Variants in PRRT2 observed in about 807,000 individuals in gnomAD.
PRRT2 encodes the protein proline-rich transmembrane protein 2.
A neutral mutation model predicts 24.7 loss-of-function variants in PRRT2; 9 were observed. The ratio of observed to expected loss-of-function variants is 0.36; its 90% confidence interval spans 0.22 to 0.64. The LOEUF (loss-of-function observed/expected upper bound fraction) is 0.64. Ranked by LOEUF, PRRT2 falls within the 30% of genes least tolerant of loss-of-function variation. The pLI, the probability that PRRT2 is intolerant of heterozygous loss-of-function variation, is 0.65. For missense variants in PRRT2, 460 were observed against 435.0 expected (o/e 1.06, Z -0.51); for synonymous variants, 195 against 175.5 (o/e 1.11, Z -0.88).
chr16:29,813,807 G>A lies in PRRT2; in HGVS notation c.753G>A (p.Leu251=), dbSNP rs770596922. The A allele has an allele frequency of 1.9e-6, 3 of 1,612,622 alleles. No individual in the cohort carries two copies. Among genetic ancestry groups the A allele is most frequent in the African/African-American group, 2.7e-5 (2 of 74,840 alleles). ...GSLSRHPSSQ[L]AGPGVEGGEG... ...TGAGCCGCCACCCCAGCTCCCAGTT[G>A]GCAGGTCCTGGGGTGGAGGGGGGTG... The change falls in exon 2 of 4, where the codon TTG becomes TTA. Residue 251 remains leucine (L), a synonymous_variant. Transcript: ENST00000358758.
rs1376277128 is a variant in PRRT2 at position 29,814,152 on chromosome 16, T to C, written c.880-181T>C. 1 of 1,489,400 alleles carries C rather than the reference T, an allele frequency of 6.7e-7. No individual in the cohort carries two copies. The highest frequency in any genetic ancestry group is 1.4e-5 in the African/African-American group (1 of 71,182). 92.3% of individuals were successfully genotyped at this position (1,489,400 alleles called of 1,614,324 possible). ...TGGGTGGGAGGGATATGGAAACACG[T>C]GTCACACAGCCTCGCTGACCTGTGC... On this transcript the variant is annotated intron_variant, in intron 2 of 3. Coordinates refer to ENST00000358758, the MANE Select transcript of PRRT2 (RefSeq NM_145239.3). The surrounding 1 kb of genome is among the most constrained non-coding windows in gnomAD (Gnocchi z 4.1).
At position 29,814,738 on chromosome 16, in the gene PRRT2, C is replaced by T. The variant is rs1900163193; in HGVS notation, c.*100C>T. ...GCCCAACTGATGGCCCTGGCCCCCA[C>T]CCCTAAGGACCAAGGGAGCCTGAGC... On this transcript the variant is annotated 3_prime_UTR_variant, in exon 4 of 4. Coordinates refer to ENST00000358758, the MANE Select transcript of PRRT2 (RefSeq NM_145239.3). The surrounding 1 kb of genome is among the most constrained non-coding windows in gnomAD (Gnocchi z 4.1). 4 of 1,313,240 alleles carry T rather than the reference C, an allele frequency of 3.0e-6. No homozygotes were observed. Among genetic ancestry groups the T allele is most frequent in the Non-Finnish European group, 4.2e-6 (4 of 955,394 alleles). 81.3% of individuals were successfully genotyped at this position (1,313,240 alleles called of 1,614,324 possible).
rs1596895666 is a variant in PRRT2, at chr16:29,814,961, T to C, written c.*323T>C. On this transcript the variant is annotated 3_prime_UTR_variant, in exon 4 of 4. Transcript: ENST00000358758. This position sits in a 1 kb window ranked among gnomAD's most constrained non-coding sequence, Gnocchi z 4.1. ...ACCTCCCTGAACACCTCCCCAACTC[T>C]GCGCTCTCAGCCTCCCTGCATCTCT... 2.9e-6 allele frequency: 1 copy of C among 350,820 alleles called. No individual in the cohort carries two copies. The highest frequency in any genetic ancestry group is 5.2e-5 in the East Asian group (1 of 19,282). 21.7% of individuals were successfully genotyped at this position (350,820 alleles called of 1,614,324 possible). A position where few individuals can be genotyped will look rare whatever the true frequency, so the allele number is the denominator to read the frequency against.
rs1218457706 is a variant in PRRT2 at position 29,815,346 on chromosome 16, G to C, written c.*708G>C. 6.5e-6 allele frequency: 1 copy of C among 152,700 alleles called. No homozygotes were observed. The highest frequency in any genetic ancestry group is 1.5e-5 in the Non-Finnish European group (1 of 68,106). 9.5% of individuals were successfully genotyped at this position (152,700 alleles called of 1,614,324 possible). A position where few individuals can be genotyped will look rare whatever the true frequency, so the allele number is the denominator to read the frequency against. The stretch of plus-strand genomic sequence containing the variant: ...ACCCAAGGGTGCCTGGCAGGTCGCA[G>C]AGTTGGCAAGCCGGGCCTCGTATGG... On this transcript the variant is annotated 3_prime_UTR_variant, in exon 4 of 4. Coordinates refer to ENST00000358758, the MANE Select transcript of PRRT2 (RefSeq NM_145239.3).
intron 1 of PRRT2, 21 bp downstream of exon 1, chr16:29,812,344 G>A (rs1329580493): frequency 6.5e-6 from 1 of 154,896 alleles, no homozygotes; most frequent in Non-Finnish European, 1.4e-5. Flanking sequence ...GGCAGACTGA[G>A]GCTGCGGGTA....
Position 29,814,140 on chromosome 16 carries a change from T to C in PRRT2, c.880-193T>C. On this transcript the variant is annotated intron_variant, in intron 2 of 3. Coordinates refer to ENST00000358758, the MANE Select transcript of PRRT2 (RefSeq NM_145239.3). The surrounding 1 kb of genome is among the most constrained non-coding windows in gnomAD (Gnocchi z 4.1). The stretch of plus-strand genomic sequence containing the variant: ...GCCCTGCCCCTTTGGGTGGGAGGGA[T>C]ATGGAAACACGTGTCACACAGCCTC... 1 of 1,487,002 alleles carries C rather than the reference T, an allele frequency of 6.7e-7. No individual in the cohort carries two copies. Among genetic ancestry groups the C allele is most frequent in the Non-Finnish European group, 8.9e-7 (1 of 1,127,672 alleles). 92.1% of individuals were successfully genotyped at this position (1,487,002 alleles called of 1,614,324 possible). A position where few individuals can be genotyped will look rare whatever the true frequency, so the allele number is the denominator to read the frequency against.
Position 29,813,683 on chromosome 16 carries a change from C to G in PRRT2, c.629C>G (p.Pro210Arg). Residue 210 changes from proline to arginine, a missense_variant, in exon 2 of 4, where the codon CCA (proline) becomes CGA (arginine). Physicochemically the swap from Pro to Arg is moderately radical, Grantham distance 103. Transcript: ENST00000358758. ...TCACCACCCTCAAAAAAATCCCCCC[C>G]AGCCAATGGGGCCCCCCCCCGAGTG... ...PHSPPSKKSP[P>R]ANGAPPRVLQ... The G allele has an allele frequency of 6.3e-7, 1 of 1,598,204 alleles. No homozygotes were observed. The highest frequency in any genetic ancestry group is 8.5e-7 in the Non-Finnish European group (1 of 1,171,072).
At position 29,814,916 on chromosome 16, in the gene PRRT2, A is replaced by G. The variant is rs1029260145; in HGVS notation, c.*278A>G. 22 of 467,072 alleles carry G rather than the reference A, an allele frequency of 4.7e-5. No individual in the cohort carries two copies. The highest frequency in any genetic ancestry group is 4.5e-4 in the African/African-American group (22 of 48,898). The allele number at this position is 467,072 out of a possible 1,614,324, so 28.9% of individuals were successfully genotyped here. ...GGCCCCCTATCCCTGCACTTCTGGA[A>G]ACCTCCCTGCACTCTGGAAACCTCC... On this transcript the variant is annotated 3_prime_UTR_variant, in exon 4 of 4. Transcript: ENST00000358758. The surrounding 1 kb of genome is among the most constrained non-coding windows in gnomAD (Gnocchi z 4.1).
In PRRT2 at chr16:29,814,457, A is replaced by G. The variant is rs774242702; in HGVS notation, c.1004A>G (p.Asn335Ser). 3 of 1,603,640 alleles carry G rather than the reference A, an allele frequency of 1.9e-6. No homozygotes were observed. Among genetic ancestry groups the G allele is most frequent in the Non-Finnish European group, 2.6e-6 (3 of 1,174,602 alleles). The change falls in exon 3 of 4, where the codon AAC becomes AGC. Residue 335 changes from asparagine (N) to serine (S), a missense_variant. By Grantham distance (46) the Asn-to-Ser change is conservative. This residue lies in a region of PRRT2 where 64 missense variants were observed against 71.2 expected (regional missense o/e 0.90). Transcript: ENST00000358758. This position sits in a 1 kb window ranked among gnomAD's most constrained non-coding sequence, Gnocchi z 4.1. ...VLIIIASCVI[N>S]LGVYK is the part of the protein sequence containing the mutation. ...ATCATCATCGCCTCCTGCGTCATCA[A>G]CTTAGGCGGTGAGTGGGGGCTTGGG... is the stretch of plus-strand genomic sequence containing the variant.
Position 29,814,786 on chromosome 16 carries a change from C to A in PRRT2, c.*148C>A. On this transcript the variant is annotated 3_prime_UTR_variant, in exon 4 of 4. Coordinates refer to ENST00000358758, the MANE Select transcript of PRRT2 (RefSeq NM_145239.3). The surrounding 1 kb of genome is among the most constrained non-coding windows in gnomAD (Gnocchi z 4.1). ...AGCGGCCTTGTTTACAGCTTCTGTCCTGCTCCTGCATCTTGCCAGGCTCCT... is the reference window on the plus strand; with the variant it reads ...AGCGGCCTTGTTTACAGCTTCTGTCATGCTCCTGCATCTTGCCAGGCTCCT... 2 of 812,508 alleles carry A rather than the reference C, an allele frequency of 2.5e-6. No individual in the cohort carries two copies. The highest frequency in any genetic ancestry group is 3.9e-6 in the Non-Finnish European group (2 of 516,430). 50.3% of individuals were successfully genotyped at this position (812,508 alleles called of 1,614,324 possible).
Position 29,814,033 on chromosome 16 carries a change from T to G in PRRT2, c.879+100T>G. On this transcript the variant is annotated intron_variant, in intron 2 of 3. Transcript: ENST00000358758. This position sits in a 1 kb window ranked among gnomAD's most constrained non-coding sequence, Gnocchi z 4.1. Reference sequence around the variant, plus strand: ...GAGTAATCATGCCTTCCTTCCCCTCTCCTCTCTGCATGGATCCCACCTCCC... The same window carrying G: ...GAGTAATCATGCCTTCCTTCCCCTCGCCTCTCTGCATGGATCCCACCTCCC... The G allele has an allele frequency of 6.7e-7, 1 of 1,500,618 alleles. No individual in the cohort carries two copies. Among genetic ancestry groups the G allele is most frequent in the Non-Finnish European group, 8.8e-7 (1 of 1,131,262 alleles). The allele number at this position is 1,500,618 out of a possible 1,614,324, so 93.0% of individuals were successfully genotyped here.
In PRRT2 at chr16:29,814,600, G is replaced by A. The variant is rs369536314; in HGVS notation, c.1013-28G>A. Reference sequence around the variant, plus strand: ...TCTCTCCTTGTCTCCCCCTCCCCCCGTCTGTCCTTCCCTCTCCTCTCCCAC... The same window carrying A: ...TCTCTCCTTGTCTCCCCCTCCCCCCATCTGTCCTTCCCTCTCCTCTCCCAC... On this transcript the variant is annotated intron_variant, in intron 3 of 3. Coordinates refer to ENST00000358758, the MANE Select transcript of PRRT2 (RefSeq NM_145239.3). The surrounding 1 kb of genome is among the most constrained non-coding windows in gnomAD (Gnocchi z 4.1). 1.9e-5 allele frequency: 30 copies of A among 1,607,928 alleles called. No homozygotes were observed. The highest frequency in any genetic ancestry group is 3.3e-4 in the Middle Eastern group (2 of 6,044).
At position 29,813,510 on chromosome 16, in the gene PRRT2, C is replaced by T; in HGVS notation, c.456C>T (p.Pro152=). The change falls in exon 2 of 4, where the codon CCC becomes CCT. Residue 152 remains proline, a synonymous_variant. Coordinates refer to ENST00000358758, the MANE Select transcript of PRRT2 (RefSeq NM_145239.3). ...PDPRPDSQPT[P]KPALQPELPT... The stretch of plus-strand genomic sequence containing the variant: ...CCCGGCCAGATTCCCAGCCTACCCC[C>T]AAGCCAGCCCTTCAACCAGAGCTCC... 1 of 1,613,810 alleles carries T rather than the reference C, an allele frequency of 6.2e-7. No homozygotes were observed.
chr16:29,813,933 G>A lies in PRRT2; in HGVS notation c.879G>A (p.Met293Ile), dbSNP rs1478691791. Reference protein sequence around the residue: ...VNIVAFAYAVMSRNSLQQGDV... With the variant: ...VNIVAFAYAVISRNSLQQGDV... ...TCGTGGCCTTCGCTTATGCTGTCAT[G>A]GTGAGCCCCATGGGACCCTAGCCCA... The change falls in exon 2 of 4, where the codon ATG becomes ATA. Residue 293 changes from methionine to isoleucine, a missense_variant and splice_region_variant. Transcript: ENST00000358758. The A allele has an allele frequency of 6.3e-7, 1 of 1,582,884 alleles. No homozygotes were observed. The highest frequency in any genetic ancestry group is 8.6e-7 in the Non-Finnish European group (1 of 1,163,812).
rs1009679290 is a variant in PRRT2 at position 29,815,771 on chromosome 16, C to G, written c.*1133C>G. ...AAAAAAGTCTGGGGGAAGAAAAAAA[C>G]TAAAATTCTTAAAAAAAAAAAAAAA... On this transcript the variant is annotated 3_prime_UTR_variant, in exon 4 of 4. Coordinates refer to ENST00000358758, the MANE Select transcript of PRRT2 (RefSeq NM_145239.3). The G allele has an allele frequency of 1.8e-5, 1 of 55,832 alleles. No homozygotes were observed. Among genetic ancestry groups the G allele is most frequent in the Non-Finnish European group, 3.8e-5 (1 of 26,406 alleles). The allele number at this position is 55,832 out of a possible 1,614,324, so 3.5% of individuals were successfully genotyped here.
In PRRT2 at chr16:29,814,081, C is replaced by T. The variant is rs1900124835; in HGVS notation, c.879+148C>T. Reference sequence around the variant, plus strand: ...CCCCAATTCCAGGGCCTTTGTTTGCCTCTCCCTAGGACCTAACCCTCTGAG... The same window carrying T: ...CCCCAATTCCAGGGCCTTTGTTTGCTTCTCCCTAGGACCTAACCCTCTGAG... On this transcript the variant is annotated intron_variant, in intron 2 of 3. Transcript: ENST00000358758. This position sits in a 1 kb window ranked among gnomAD's most constrained non-coding sequence, Gnocchi z 4.1. 1 of 1,471,070 alleles carries T rather than the reference C, an allele frequency of 6.8e-7. No individual in the cohort carries two copies. Among genetic ancestry groups the T allele is most frequent in the African/African-American group, 1.4e-5 (1 of 70,656 alleles). The allele number at this position is 1,471,070 out of a possible 1,614,324, so 91.1% of individuals were successfully genotyped here. A position where few individuals can be genotyped will look rare whatever the true frequency, so the allele number is the denominator to read the frequency against.
chr16:29,812,807 CTT>C (rs1240213523), intron 1 of PRRT2, among the ~76,000 whole-genome samples, 181 bp from the exon 2 acceptor site: 1 of 151,704 alleles, frequency 6.6e-6, no homozygotes, highest in Non-Finnish European at 1.5e-5. Flanking sequence ...AAGCAGAAGA[CTT>C]TGAGTAGAGC....
Position 29,812,299 on chromosome 16 carries a change from G to A in PRRT2, c.-90G>A, listed in dbSNP as rs1900014876. On this transcript the variant is annotated 5_prime_UTR_variant, in exon 1 of 4. Transcript: ENST00000358758. The stretch of plus-strand genomic sequence containing the variant: ...CTGCAAAAGCCAGCAGCGGCAGCGG[G>A]AGCTGTCCGGAGGCCGGCGTCGAGG... 1 of 157,964 alleles carries A rather than the reference G, an allele frequency of 6.3e-6. No homozygotes were observed. Among genetic ancestry groups the A allele is most frequent in the African/African-American group, 2.4e-5 (1 of 41,480 alleles). 9.8% of individuals were successfully genotyped at this position (157,964 alleles called of 1,614,324 possible). A position where few individuals can be genotyped will look rare whatever the true frequency, so the allele number is the denominator to read the frequency against.
Position 29,814,102 on chromosome 16 carries a change from C to A in PRRT2, c.879+169C>A. 1 of 1,472,710 alleles carries A rather than the reference C, an allele frequency of 6.8e-7. No homozygotes were observed. Among genetic ancestry groups the A allele is most frequent in the South Asian group, 1.4e-5 (1 of 70,984 alleles). The allele number at this position is 1,472,710 out of a possible 1,614,324, so 91.2% of individuals were successfully genotyped here. ...TTGCCTCTCCCTAGGACCTAACCCT[C>A]TGAGCCACCACTGCCCTGCCCCTTT... On this transcript the variant is annotated intron_variant, in intron 2 of 3. Transcript: ENST00000358758. This position sits in a 1 kb window ranked among gnomAD's most constrained non-coding sequence, Gnocchi z 4.1.
Sources: allele counts gnomAD v4.1 joint callset (sites outside exome capture counted in the v4.1 genomes callset), GRCh38; gene constraint gnomAD v4.1.1; regional missense constraint gnomAD v4.1.1; non-coding constraint Gnocchi (gnomAD v3.1); transcripts MANE v1.5; gene names NCBI Gene and HGNC (gene_info 2026-07-23, HGNC 2026-07-21).